The following NLRP7 variants were observed in gnomAD, a reference collection of about 807,000 sequenced individuals.
NLRP7 encodes NLR family pyrin domain containing 7.
NLRP7 carries 72 observed loss-of-function variants against 85.5 expected under a neutral mutation model. The ratio of observed to expected loss-of-function variants is 0.84; its 90% CI spans 0.70 to 1.02. The LOEUF is 1.02. NLRP7 is among the 50% of genes least tolerant of loss of function. The pLI is 0.00. For missense variants in NLRP7, 1,243 were observed against 1,219.5 expected (o/e 1.02, Z -0.29); for synonymous variants, 550 against 505.2 (o/e 1.09, Z -1.19).
intron 1 of NLRP7, among the ~76,000 whole-genome samples, chr19:54,944,186 C>G (rs781415232): frequency 6.6e-6 from 1 of 151,474 alleles, no homozygotes; most frequent in Non-Finnish European, 1.5e-5. Flanking sequence ...AAGAGGAAGG[C>G]CTTTTTGCAG....
rs188592541 is a variant in NLRP7 at position 54,944,248 on chromosome 19, G to T, written c.-39-2498C>A. On this transcript the variant is annotated intron_variant, in intron 1 of 9. Transcript: ENST00000340844. ...TCGTCCCTGGGCAATGGAATGTCTC[G>T]GTGTAAAACCCGATGGTATGTTCCA... Among the ~76,000 whole-genome samples the T allele has an allele frequency of 3.8e-4, 58 of 152,060 alleles. No individual in the cohort carries two copies. The East Asian group carries it at 7.4e-3, about 19-fold the overall frequency.
At chr19:54,938,142 G>A (rs766547967) in exon 5 of NLRP7, 9 of 1,614,072 alleles carry the variant, frequency 5.6e-6, no homozygotes, top group Non-Finnish European at 6.8e-6. Context: ...CCAGAAACTT[G>A]AGGTTGCTGT....
At chr19:54,963,629 C>A (rs959000222) in intron 1 of NLRP7, among the ~76,000 whole-genome samples, 7 of 151,752 alleles carry the variant, frequency 4.6e-5, no homozygotes, top group African/African-American at 1.7e-4. Context: ...TTCAAGACCA[C>A]CCTGTCCAAC....
chr19:54,949,273 T>TC (rs1408545228), upstream of NLRP7, among the ~76,000 whole-genome samples: 1 of 147,026 alleles, frequency 6.8e-6, no homozygotes, highest in African/African-American at 2.6e-5. Context: ...GACTCCATCT[T>TC]TAAAAAAAAA....
chr19:54,940,372 G>T, exon 4 of NLRP7: 1 of 1,614,136 alleles, frequency 6.2e-7, no homozygotes, highest in Non-Finnish European at 8.5e-7. Flanking sequence ...TCAGAGTGAC[G>T]TCGTCATGGA....
exon 4 of NLRP7, chr19:54,939,568 G>C (rs2146216945): frequency 6.2e-7 from 1 of 1,612,330 alleles, no homozygotes; most frequent in Admixed American, 1.7e-5. Flanking sequence ...GCGCGGCCAG[G>C]AGGCTCAGCG....
chr19:54,936,562 C>A, intron 5 of NLRP7, 131 bp from the exon 6 acceptor site: 1 of 799,164 alleles, frequency 1.3e-6, no homozygotes, highest in Non-Finnish European at 2.1e-6. Context: ...TGGCTCGTGT[C>A]TGTAACCCCA....
In NLRP7 at chr19:54,934,399, A is replaced by G; in HGVS notation, c.2471+90T>C. 1 of 1,336,256 alleles carries G rather than the reference A, an allele frequency of 7.5e-7. No homozygotes were observed. Among genetic ancestry groups the G allele is most frequent in the Non-Finnish European group, 1.1e-6 (1 of 926,632 alleles). The allele number at this position is 1,336,256 out of a possible 1,614,324, so 82.8% of individuals were successfully genotyped here. On this transcript the variant is annotated intron_variant, in intron 7 of 9. Coordinates refer to ENST00000340844, the Ensembl canonical transcript of NLRP7. The surrounding 1 kb of genome is among the most constrained non-coding windows in gnomAD (Gnocchi z 6.7). Reference sequence around the variant, plus strand: ...GGTGTTTATTTCAGCAAGAGGCGCCACGTGGGTGGCGCAGTAAGTCAGGTG... The same window carrying G: ...GGTGTTTATTTCAGCAAGAGGCGCCGCGTGGGTGGCGCAGTAAGTCAGGTG...
chr19:54,925,478 T>C (rs1481005714), intron 9 of NLRP7, among the ~76,000 whole-genome samples: 1 of 152,154 alleles, frequency 6.6e-6, no homozygotes, highest in African/African-American at 2.4e-5. Flanking sequence ...GCAGTTTACA[T>C]GCGTATCATC....
Position 54,934,696 on chromosome 19 carries a change from G to A in NLRP7, c.2301-37C>T. The A allele has an allele frequency of 6.4e-7, 1 of 1,568,366 alleles. No individual in the cohort carries two copies. The highest frequency in any genetic ancestry group is 1.4e-5 in the African/African-American group (1 of 73,852). ...GTGGGAAAAGTCATTCTTCTGGGAG[G>A]ACAGAGTATACCCTATCAGCTTTTT... On this transcript the variant is annotated intron_variant, in intron 6 of 9. Coordinates refer to ENST00000340844, the Ensembl canonical transcript of NLRP7. The surrounding 1 kb of genome is among the most constrained non-coding windows in gnomAD (Gnocchi z 6.7).
intron 9 of NLRP7, among the ~76,000 whole-genome samples, chr19:54,930,293 C>T (rs1257091633): frequency 6.6e-6 from 1 of 151,370 alleles, no homozygotes; most frequent in African/African-American, 2.4e-5. Context: ...ATGACAAGAC[C>T]TCATCTCTAC....
intron 1 of NLRP7, chr19:54,953,149 C>T (rs990144368): frequency 2.0e-5 from 3 of 152,070 alleles, no homozygotes; most frequent in African/African-American, 7.2e-5. Flanking sequence ...GTCATAAGGA[C>T]CTTGCTGATA....
chr19:54,955,025 C>CT (rs145517102), intron 1 of NLRP7, among the ~76,000 whole-genome samples: 6,751 of 151,782 alleles, frequency 0.044, 199 homozygotes, highest in African/African-American at 0.084. Context: ...TCCTTACTTG[C>CT]TTTTAAAAAA....
chr19:54,930,375 C>G, intron 9 of NLRP7, 124 bp downstream of exon 9: 1 of 707,926 alleles, frequency 1.4e-6, no homozygotes, highest in Non-Finnish European at 2.5e-6. Context: ...GGTGGGAGAA[C>G]CGATCAAGCC....
At chr19:54,960,335 T>C (rs269922) in intron 1 of NLRP7, among the ~76,000 whole-genome samples, 25,580 of 151,550 alleles carry the variant, frequency 0.17, 2,607 homozygotes, top group Non-Finnish European at 0.22. Context: ...TTTGTATTTT[T>C]AGTAGAGACG....
At chr19:54,932,119 A>G (rs546800856) in intron 8 of NLRP7, among the ~76,000 whole-genome samples, 10 of 152,180 alleles carry the variant, frequency 6.6e-5, no homozygotes, top group African/African-American at 2.4e-4. Context: ...CAGGTAGGTG[A>G]CTGTTTGTTT....
intron 9 of NLRP7, among the ~76,000 whole-genome samples, chr19:54,925,901 GA>G (rs1412952325): frequency 1.3e-5 from 2 of 151,826 alleles, no homozygotes; most frequent in African/African-American, 4.8e-5. Context: ...TCGGGAGGCT[GA>G]GGCAGGAGAA....
At chr19:54,923,938 A>G in intron 9 of NLRP7, 66 bp from the exon 11 acceptor site, 1 of 1,549,118 alleles carries the variant, frequency 6.5e-7, no homozygotes, top group African/African-American at 1.4e-5. Flanking sequence ...ATGCCTGAAT[A>G]TCTGTTTTCA....
intron 5 of NLRP7, 95 bp from the exon 6 acceptor site, chr19:54,936,526 T>C: frequency 8.9e-7 from 1 of 1,128,128 alleles, no homozygotes; most frequent in East Asian, 2.4e-5. Context: ...ATTTAGAAAT[T>C]ATTAGAAGTT....
Sources: gnomAD v4.1 joint callset for allele counts (sites outside exome capture counted in the v4.1 genomes callset) on GRCh38, gnomAD v4.1.1 for gene constraint, Gnocchi (gnomAD v3.1) non-coding constraint, MANE v1.5 for transcripts, NCBI Gene and HGNC (gene_info 2026-07-23, HGNC 2026-07-21) for gene names.